The following ZDHHC21 variants were observed in gnomAD, a reference collection of about 807,000 sequenced individuals.
The protein encoded by ZDHHC21 is zDHHC palmitoyltransferase 21.
A neutral mutation model predicts 34.6 loss-of-function variants in ZDHHC21; 15 were observed. The ratio of observed to expected loss-of-function variants is 0.43; its 90% CI spans 0.29 to 0.67. ZDHHC21 has a LOEUF of 0.67. Among genes scored for constraint, ZDHHC21 ranks in the 30% least tolerant of loss-of-function variants. The probability of loss-of-function intolerance (pLI) is 0.14; values close to 1 mark genes in which losing one functional copy is unlikely to be tolerated. For synonymous variants in ZDHHC21, 142 were observed against 101.8 expected, an observed-to-expected ratio of 1.40 and a Z score of -2.38; for missense variants, 344 against 327.7, an observed-to-expected ratio of 1.05 and a Z score of -0.38.
chr9:14,631,405 T>TTAGGCTTG (rs1827317169), intron 8 of ZDHHC21, among the ~76,000 whole-genome samples: 1 of 152,220 alleles, frequency 6.6e-6, no homozygotes, highest in Non-Finnish European at 1.5e-5. Context: ...TTTAATGGAA[T>TTAGGCTTG]GTTGTGGCTT....
intron 3 of ZDHHC21, among the ~76,000 whole-genome samples, chr9:14,678,891 C>T (rs1162921603): frequency 6.6e-6 from 1 of 151,936 alleles, no homozygotes; most frequent in Admixed American, 6.6e-5. Context: ...TATAACTACC[C>T]ACAACATACT....
chr9:14,637,385 C>T, intron 8 of ZDHHC21, among the ~76,000 whole-genome samples: 1 of 151,814 alleles, frequency 6.6e-6, no homozygotes, highest in East Asian at 1.9e-4. Context: ...TAAAAAGTGA[C>T]AATATCAAAG....
chr9:14,636,674 A>T (rs943018812), intron 8 of ZDHHC21, among the ~76,000 whole-genome samples: 1 of 152,200 alleles, frequency 6.6e-6, no homozygotes, highest in Non-Finnish European at 1.5e-5. Flanking sequence ...AAGTCTCAAG[A>T]AACATGAAAA....
chr9:14,687,553 C>G lies in ZDHHC21; in HGVS notation c.-176+2784G>C, dbSNP rs546161838. 1.3e-5 allele frequency among the ~76,000 whole-genome samples: 2 copies of G among 150,802 alleles called. 1 individual carries two copies. Among genetic ancestry groups the G allele is most frequent in the African/African-American group, 5.0e-5 (2 of 40,112 alleles). ...AGGCATAGTGGCGCCCGCCTGTAATCCCAGCTACTCGGGAGGCTGAGGCAC... is the reference window on the plus strand; with the variant it reads ...AGGCATAGTGGCGCCCGCCTGTAATGCCAGCTACTCGGGAGGCTGAGGCAC... On this transcript the variant is annotated intron_variant, in intron 2 of 9. Coordinates refer to ENST00000380916, the MANE Select transcript of ZDHHC21 (RefSeq NM_178566.6).
At chr9:14,685,531 G>A (rs538322896) in intron 2 of ZDHHC21, among the ~76,000 whole-genome samples, 18 of 152,182 alleles carry the variant, frequency 1.2e-4, no homozygotes, top group South Asian at 1.0e-3. Context: ...TTAGAATGGC[G>A]ATCACTAAAA....
intron 3 of ZDHHC21, among the ~76,000 whole-genome samples, chr9:14,678,145 G>A (rs1836758912): frequency 6.6e-6 from 1 of 151,910 alleles, no homozygotes. Context: ...CTCTCCATTT[G>A]AAATTTTTCC....
chr9:14,655,462 A>G (rs941688252), intron 7 of ZDHHC21, among the ~76,000 whole-genome samples: 12 of 152,082 alleles, frequency 7.9e-5, no homozygotes, highest in African/African-American at 2.9e-4. Flanking sequence ...TTGTATAACA[A>G]TATAACACAT....
chr9:14,606,122 A>G (rs1014588966), downstream of ZDHHC21, among the ~76,000 whole-genome samples: 1 of 152,202 alleles, frequency 6.6e-6, no homozygotes, highest in African/African-American at 2.4e-5. Flanking sequence ...TAATTCTTCC[A>G]TACAACATGA....
At chr9:14,686,459 A>G (rs1316722829) in intron 2 of ZDHHC21, among the ~76,000 whole-genome samples, 1 of 152,228 alleles carries the variant, frequency 6.6e-6, no homozygotes, top group Non-Finnish European at 1.5e-5. Flanking sequence ...AGACTATTAA[A>G]TACTGAGAAT....
chr9:14,640,794 T>A (rs1829245013), intron 7 of ZDHHC21, among the ~76,000 whole-genome samples: 1 of 152,062 alleles, frequency 6.6e-6, no homozygotes, highest in African/African-American at 2.4e-5. Context: ...ATGCTGTGAT[T>A]TAAAGGCAGG....
chr9:14,653,754 T>G (rs1278101082), intron 7 of ZDHHC21, among the ~76,000 whole-genome samples: 1 of 152,022 alleles, frequency 6.6e-6, no homozygotes, highest in Non-Finnish European at 1.5e-5. Flanking sequence ...CTCCTGGAGT[T>G]ATGCAATTAG....
intron 6 of ZDHHC21, among the ~76,000 whole-genome samples, chr9:14,660,633 G>A (rs1277194199): frequency 6.6e-6 from 1 of 151,956 alleles, no homozygotes; most frequent in Non-Finnish European, 1.5e-5. Flanking sequence ...TCTCCTTTCT[G>A]ATCCTCCAAT....
intron 7 of ZDHHC21, among the ~76,000 whole-genome samples, chr9:14,656,801 T>G (rs78378037): frequency 0.017 from 2,601 of 152,046 alleles, 79 homozygotes; most frequent in African/African-American, 0.06. Context: ...CATATTATTA[T>G]GATTTTTATT....
intron 7 of ZDHHC21, among the ~76,000 whole-genome samples, chr9:14,650,817 T>C (rs1831118087): frequency 1.3e-5 from 2 of 151,996 alleles, no homozygotes; most frequent in South Asian, 2.1e-4. Context: ...CATTATTTAT[T>C]TTCCTCTTCT....
At position 14,616,982 on chromosome 9, in the gene ZDHHC21, G is replaced by C. The variant is rs957410324; in HGVS notation, c.*1984C>G. The C allele has an allele frequency of 6.6e-6, 1 of 151,854 alleles. No homozygotes were observed. The highest frequency in any genetic ancestry group is 1.5e-5 in the Non-Finnish European group (1 of 67,854). The allele number at this position is 151,854 out of a possible 1,614,324, so 9.4% of individuals were successfully genotyped here. A position where few individuals can be genotyped will look rare whatever the true frequency, so the allele number is the denominator to read the frequency against. ...CCAGTACCCACTGCTACTACATGAA[G>C]TATAAATTAGCCACAAAGTTCTTTA... On this transcript the variant is annotated 3_prime_UTR_variant, in exon 10 of 10. Coordinates refer to ENST00000380916, the MANE Select transcript of ZDHHC21 (RefSeq NM_178566.6).
chr9:14,631,209 T>G lies in ZDHHC21; in HGVS notation c.621+8687A>C, dbSNP rs10810191. 2.0e-5 allele frequency among the ~76,000 whole-genome samples: 3 copies of G among 152,190 alleles called. 1 individual carries two copies. The South Asian group carries it at 6.2e-4, about 32-fold the overall frequency. On this transcript the variant is annotated intron_variant, in intron 8 of 9. Transcript: ENST00000380916. ...AATCATCTTAGATCTTTTGGATAAT[T>G]TGTTGCAACTTCTACATCAGCACTT...
rs1414193019 is a variant in ZDHHC21, at chr9:14,613,716, T to C, written c.*5250A>G. ...ATCAAGAACTCCAAAATATCCCAAA[T>C]GTTAAAGTGAAAGCCACCCTTATAT... On this transcript the variant is annotated 3_prime_UTR_variant, in exon 10 of 10. Transcript: ENST00000380916. The C allele has an allele frequency of 1.3e-5, 2 of 151,774 alleles. No individual in the cohort carries two copies. The highest frequency in any genetic ancestry group is 4.8e-5 in the African/African-American group (2 of 41,410). The allele number at this position is 151,774 out of a possible 1,614,324, so 9.4% of individuals were successfully genotyped here.
chr9:14,605,454 C>A, the ZDHHC21 span, among the ~76,000 whole-genome samples: 1 of 152,142 alleles, frequency 6.6e-6, no homozygotes, highest in Non-Finnish European at 1.5e-5. Flanking sequence ...AGCATCCCTT[C>A]ACGTACCTGT....
intron 1 of ZDHHC21, among the ~76,000 whole-genome samples, chr9:14,691,863 C>T (rs1224423531): frequency 1.3e-5 from 2 of 152,126 alleles, no homozygotes; most frequent in Non-Finnish European, 2.9e-5. Flanking sequence ...CTTCAAACCA[C>T]GTTAAAGGGT....
Sources: gnomAD v4.1 joint callset for allele counts (sites outside exome capture counted in the v4.1 genomes callset) on GRCh38, gnomAD v4.1.1 for gene constraint, MANE v1.5 for transcripts, NCBI Gene and HGNC (gene_info 2026-07-23, HGNC 2026-07-21) for gene names.